Variants in CSMD1 observed in about 807,000 individuals in gnomAD.
CSMD1 encodes CUB and Sushi multiple domains 1.
CSMD1 carries 213 observed loss-of-function variants against 417.5 expected under a neutral mutation model. That is an observed-to-expected ratio of 0.51 (90% CI 0.46 to 0.57). CSMD1 has a LOEUF of 0.57. CSMD1 is among the 20% of genes least tolerant of loss of function. The pLI is 0.00. For synonymous variants in CSMD1, 2,862 were observed against 1,736.8 expected (o/e 1.65, Z -16.11); for missense variants, 6,923 against 4,529.7 (o/e 1.53, Z -15.17).
In CSMD1 at chr8:3,439,309, A is replaced by ATATATTTTTT; in HGVS notation, c.1561+29402_1561+29403insAAAAAATATA. On this transcript the variant is annotated intron_variant, in intron 12 of 69. Coordinates refer to ENST00000635120, the MANE Select transcript of CSMD1 (RefSeq NM_033225.6). ...TATATATATATATATATATATATAT[A>ATATATTTTTT]TTTTTTTTTTTAATATGTATTTTTA... Among the ~76,000 whole-genome samples the ATATATTTTTT allele has an allele frequency of 4.1e-3, 254 of 62,346 alleles. 4 individuals are homozygous for ATATATTTTTT. Among genetic ancestry groups the ATATATTTTTT allele is most frequent in the Middle Eastern group, 0.01 (1 of 98 alleles). 40.9% of individuals were successfully genotyped at this position (62,346 alleles called of 152,430 possible).
intron 4 of CSMD1, among the ~76,000 whole-genome samples, chr8:4,007,764 T>A (rs1190865153): frequency 1.3e-5 from 2 of 152,244 alleles, no homozygotes; most frequent in African/African-American, 4.8e-5. Flanking sequence ...TCTATTCATT[T>A]GTCTTTAACA....
At chr8:4,173,031 C>G (rs1356648596) in intron 3 of CSMD1, among the ~76,000 whole-genome samples, 1 of 152,108 alleles carries the variant, frequency 6.6e-6, no homozygotes, top group Non-Finnish European at 1.5e-5. Flanking sequence ...ATTTTAGCCC[C>G]TAATATTGCA....
chr8:4,954,752 TTAATAA>T (rs1368982043), intron 1 of CSMD1, among the ~76,000 whole-genome samples: 3 of 152,174 alleles, frequency 2.0e-5, no homozygotes, highest in South Asian at 2.1e-4. Flanking sequence ...AAGAGCAATA[TTAATAA>T]TAACTGCTAT....
intron 35 of CSMD1, 112 bp from the exon 36 acceptor site, chr8:3,188,077 C>CATATGTATATGTATATATATGT: frequency 2.6e-6 from 1 of 387,634 alleles, no homozygotes; most frequent in East Asian, 4.9e-5. Flanking sequence ...TATATATATA[C>CATATGTATATGTATATATATGT]ATATGTATAT....
intron 2 of CSMD1, among the ~76,000 whole-genome samples, chr8:4,509,537 A>T (rs1802707145): frequency 1.3e-5 from 2 of 152,196 alleles, no homozygotes; most frequent in Admixed American, 6.5e-5. Context: ...AGAGGAAATC[A>T]CATGGAAATG....
At chr8:4,342,233 C>A (rs13270116) in intron 3 of CSMD1, among the ~76,000 whole-genome samples, 19 of 23,462 alleles carry the variant, frequency 8.1e-4, no homozygotes, top group African/African-American at 3.3e-3. Context: ...GTGTGTGTGT[C>A]TGTGTGTGTG....
intron 1 of CSMD1, among the ~76,000 whole-genome samples, chr8:4,725,500 G>C (rs1330256809): frequency 6.6e-6 from 1 of 152,256 alleles, no homozygotes; most frequent in East Asian, 1.9e-4. Context: ...AGCTCCACAA[G>C]GGCATATCGC....
intron 26 of CSMD1, among the ~76,000 whole-genome samples, chr8:3,281,810 T>G (rs1169275959): frequency 1.3e-5 from 2 of 152,132 alleles, no homozygotes; most frequent in African/African-American, 4.8e-5. Context: ...CATGTTGAAT[T>G]GTAATCCCCA....
intron 52 of CSMD1, among the ~76,000 whole-genome samples, chr8:3,001,382 C>T (rs1018979077): frequency 6.6e-6 from 1 of 152,086 alleles, no homozygotes; most frequent in Admixed American, 6.5e-5. Context: ...CCTTTTCTCT[C>T]TCTCCCTTCC....
At chr8:3,174,601 GAACT>G (rs1485560035) in intron 37 of CSMD1, among the ~76,000 whole-genome samples, 40 of 152,102 alleles carry the variant, frequency 2.6e-4, no homozygotes, top group Admixed American at 2.6e-3. Flanking sequence ...TTAGAATATA[GAACT>G]AAGAGCTTAT....
chr8:3,055,118 T>C (rs535127396), intron 49 of CSMD1, among the ~76,000 whole-genome samples: 1 of 152,156 alleles, frequency 6.6e-6, no homozygotes, highest in Non-Finnish European at 1.5e-5. Flanking sequence ...GGGAAAGAAA[T>C]GACATTTTTC....
intron 12 of CSMD1, among the ~76,000 whole-genome samples, chr8:3,456,629 C>A (rs1816159947): frequency 6.6e-6 from 1 of 152,150 alleles, no homozygotes; most frequent in Non-Finnish European, 1.5e-5. Context: ...TTGAAATAGT[C>A]CTAGTGGACG....
chr8:3,503,688 G>A (rs960764652), intron 10 of CSMD1, among the ~76,000 whole-genome samples: 1 of 152,232 alleles, frequency 6.6e-6, no homozygotes, highest in Non-Finnish European at 1.5e-5. Context: ...GACAGCTAAA[G>A]AAGCTGGATG....
intron 49 of CSMD1, among the ~76,000 whole-genome samples, chr8:3,074,733 T>C (rs896333629): frequency 6.6e-6 from 1 of 152,184 alleles, no homozygotes; most frequent in East Asian, 1.9e-4. Flanking sequence ...TACAAACATA[T>C]ATTTTAGAAT....
rs181966222 is a variant in CSMD1, at chr8:3,363,884, T to A, written c.3115+3148A>T. Among the ~76,000 whole-genome samples, 460 of 152,226 alleles carry A rather than the reference T, an allele frequency of 3.0e-3. 3 individuals are homozygous for A. The highest frequency in any genetic ancestry group is 0.01 in the African/African-American group (432 of 41,546). ...GCAACTAGTAGCAGACAATGTTATGTAGAATGGGGATTGTGCAGGTTTATC... is the reference window on the plus strand; with the variant it reads ...GCAACTAGTAGCAGACAATGTTATGAAGAATGGGGATTGTGCAGGTTTATC... On this transcript the variant is annotated intron_variant, in intron 20 of 69. Coordinates refer to ENST00000635120, the MANE Select transcript of CSMD1 (RefSeq NM_033225.6).
At chr8:4,483,198 C>T (rs1227173145) in intron 2 of CSMD1, among the ~76,000 whole-genome samples, 2 of 152,168 alleles carry the variant, frequency 1.3e-5, no homozygotes, top group Non-Finnish European at 2.9e-5. Context: ...CATTCTCTCT[C>T]TTGCCACCAC....
intron 36 of CSMD1, among the ~76,000 whole-genome samples, chr8:3,181,919 T>C (rs1442629195): frequency 6.6e-6 from 1 of 152,206 alleles, no homozygotes; most frequent in Non-Finnish European, 1.5e-5. Flanking sequence ...ACTCAGAAGT[T>C]TGAGACATTT....
At chr8:4,852,951 A>C (rs1317171884) in intron 1 of CSMD1, among the ~76,000 whole-genome samples, 3 of 152,226 alleles carry the variant, frequency 2.0e-5, no homozygotes, top group African/African-American at 4.8e-5. Flanking sequence ...ATTTCTAAGC[A>C]GCAATGCATT....
intron 1 of CSMD1, among the ~76,000 whole-genome samples, chr8:4,667,918 T>G (rs1375465476): frequency 6.6e-6 from 1 of 152,240 alleles, no homozygotes; most frequent in African/African-American, 2.4e-5. Flanking sequence ...GTGGCCATCT[T>G]TGCCTGGTTC....
Sources: gnomAD v4.1 joint callset for allele counts (sites outside exome capture counted in the v4.1 genomes callset) on GRCh38, gnomAD v4.1.1 for gene constraint, MANE v1.5 for transcripts, NCBI Gene and HGNC (gene_info 2026-07-23, HGNC 2026-07-21) for gene names.